The following UBE2D2 variants were observed in gnomAD, a reference collection of about 807,000 sequenced individuals.
UBE2D2 encodes the protein ubiquitin conjugating enzyme E2 D2.
UBE2D2 carries 2 observed loss-of-function variants against 24.2 expected under a neutral mutation model. That is an observed-to-expected ratio of 0.08 (90% confidence interval 0.03 to 0.26). The LOEUF is 0.26. UBE2D2 is among the 10% of genes least tolerant of loss of function. The pLI is 1.00. For synonymous variants in UBE2D2, 58 were observed against 56.5 expected (o/e 1.03, Z -0.12); for missense variants, 44 against 177.6 (o/e 0.25, Z 4.28).
chr5:139,622,502 C>G (rs1023917723), intron 5 of UBE2D2, among the ~76,000 whole-genome samples: 2 of 151,318 alleles, frequency 1.3e-5, no homozygotes, highest in African/African-American at 4.8e-5. Flanking sequence ...CTCCGCCTCC[C>G]AAAGTGCTGG....
At position 139,614,843 on chromosome 5, in the gene UBE2D2, T is replaced by G. The variant is rs1051948843; in HGVS notation, c.199-18T>G. 6.2e-7 allele frequency: 1 copy of G among 1,611,340 alleles called. No individual in the cohort carries two copies. ...TACTAATAAACTAGTTTACAGAAAG[T>G]TTCCTTTCTTTCTGTAGGTTGCATT... On this transcript the variant is annotated intron_variant, in intron 4 of 6. Transcript: ENST00000398733.
At chr5:139,571,986 C>T (rs1294254078) in intron 1 of UBE2D2, among the ~76,000 whole-genome samples, 1 of 151,724 alleles carries the variant, frequency 6.6e-6, no homozygotes, top group Non-Finnish European at 1.5e-5. Flanking sequence ...ATAAGAGCTA[C>T]TTCCTTCCTC....
chr5:139,593,983 A>G (rs1561514323), intron 1 of UBE2D2, among the ~76,000 whole-genome samples: 1 of 152,150 alleles, frequency 6.6e-6, no homozygotes, highest in Non-Finnish European at 1.5e-5. Context: ...TTAACCACCA[A>G]AGAGCCTCGA....
At chr5:139,626,621 T>G in intron 6 of UBE2D2, 135 bp from the exon 7 acceptor site, 1 of 692,246 alleles carries the variant, frequency 1.4e-6, no homozygotes, top group Admixed American at 2.8e-5. Context: ...TATCAGAAAT[T>G]TGGGATAGAA....
At chr5:139,566,572 G>A (rs1007050349) in intron 1 of UBE2D2, among the ~76,000 whole-genome samples, 4 of 152,112 alleles carry the variant, frequency 2.6e-5, no homozygotes, top group African/African-American at 9.7e-5. Flanking sequence ...CTAGGTGGGA[G>A]GCTGAGGTGG....
intron 6 of UBE2D2, among the ~76,000 whole-genome samples, chr5:139,625,286 T>G (rs1177834086): frequency 3.4e-5 from 5 of 147,934 alleles, no homozygotes; most frequent in Admixed American, 6.7e-5. Context: ...GTTTTTTTTT[T>G]TTTTTTTTTG....
chr5:139,602,857 A>G (rs1754111253), intron 2 of UBE2D2, among the ~76,000 whole-genome samples: 1 of 152,228 alleles, frequency 6.6e-6, no homozygotes, highest in South Asian at 2.1e-4. Context: ...TTATATTCTG[A>G]CTTACCTAGC....
chr5:139,546,873 T>C (rs201175822), intron 1 of UBE2D2, among the ~76,000 whole-genome samples: 54 of 146,722 alleles, frequency 3.7e-4, no homozygotes, highest in African/African-American at 9.9e-4. Context: ...TTCCTTCCTT[T>C]CTTTCCTTCT....
At position 139,623,662 on chromosome 5, in the gene UBE2D2, G is replaced by A. The variant is rs776023009; in HGVS notation, c.398+201G>A. 1.2e-4 allele frequency: 53 copies of A among 432,098 alleles called. 1 individual carries two copies. The highest frequency in any genetic ancestry group is 2.4e-4 in the East Asian group (7 of 29,452). 26.8% of individuals were successfully genotyped at this position (432,098 alleles called of 1,614,324 possible). ...CCAGTCTTATCCCTGATTGTTTCAC[G>A]TGACTCCTCTTGTCTACAAAAACTT... On this transcript the variant is annotated intron_variant, in intron 6 of 6. Transcript: ENST00000398733.
At chr5:139,609,803 G>A (rs1259020075) in intron 2 of UBE2D2, among the ~76,000 whole-genome samples, 1 of 133,338 alleles carries the variant, frequency 7.5e-6, no homozygotes, top group Non-Finnish European at 1.6e-5. Flanking sequence ...ATGGAGTCTC[G>A]CACTGTTGCC....
intron 5 of UBE2D2, among the ~76,000 whole-genome samples, chr5:139,615,361 T>C (rs1483632322): frequency 6.6e-6 from 1 of 152,132 alleles, no homozygotes; most frequent in Non-Finnish European, 1.5e-5. Flanking sequence ...GGCAGGTGCC[T>C]GTAGTCCCAG....
intron 1 of UBE2D2, among the ~76,000 whole-genome samples, chr5:139,590,514 A>G (rs1261819524): frequency 1.3e-5 from 2 of 151,970 alleles, no homozygotes; most frequent in Non-Finnish European, 2.9e-5. Context: ...AAATATCTCA[A>G]TATTTTGAGG....
intron 1 of UBE2D2, 100 bp from the exon 2 acceptor site, chr5:139,600,272 C>T (rs767976011): frequency 5.5e-6 from 7 of 1,278,096 alleles, no homozygotes; most frequent in Admixed American, 3.6e-5. Context: ...AAGAGAGTTT[C>T]ACCAGCAGGA....
intron 1 of UBE2D2, among the ~76,000 whole-genome samples, chr5:139,586,928 T>A (rs1292990160): frequency 2.0e-5 from 3 of 152,164 alleles, no homozygotes; most frequent in African/African-American, 7.2e-5. Flanking sequence ...AAAAATCTTT[T>A]TAGAGACAGA....
intron 1 of UBE2D2, among the ~76,000 whole-genome samples, chr5:139,586,829 T>G (rs986444545): frequency 6.6e-6 from 1 of 152,218 alleles, no homozygotes; most frequent in Non-Finnish European, 1.5e-5. Flanking sequence ...TATGTTAGGG[T>G]AATCAGCATC....
Position 139,561,713 on chromosome 5 carries a change from C to T in UBE2D2, c.-79C>T, listed in dbSNP as rs915555025. 21 of 1,195,384 alleles carry T rather than the reference C, an allele frequency of 1.8e-5. 1 individual carries two copies. Among genetic ancestry groups the T allele is most frequent in the Non-Finnish European group, 1.7e-5 (15 of 887,318 alleles). The allele number at this position is 1,195,384 out of a possible 1,614,324, so 74.0% of individuals were successfully genotyped here. ...TGCCGACCGAGATCGCCGAGGCGGC[C>T]TCAGGCTCCCTAGCCCCTTCCCCGT... On this transcript the variant is annotated 5_prime_UTR_variant, in exon 1 of 7. Transcript: ENST00000398733.
At chr5:139,577,404 CTTT>C (rs869189901) in intron 1 of UBE2D2, among the ~76,000 whole-genome samples, 324 of 69,122 alleles carry the variant, frequency 4.7e-3, no homozygotes, top group Middle Eastern at 0.025. Context: ...TAGCATCTCT[CTTT>C]TTTTTTTTTT....
chr5:139,539,780 T>C (rs1330544215), intron 1 of UBE2D2, among the ~76,000 whole-genome samples: 1 of 151,258 alleles, frequency 6.6e-6, no homozygotes, highest in African/African-American at 2.4e-5. Context: ...TTAGTAGATA[T>C]CGTGTTGGGT....
chr5:139,566,021 TTTTTTCTTTC>T (rs1753208192), intron 1 of UBE2D2, among the ~76,000 whole-genome samples: 1 of 151,304 alleles, frequency 6.6e-6, no homozygotes, highest in Non-Finnish European at 1.5e-5. Context: ...GATAGAGATT[TTTTTTCTTTC>T]TTTTTTTTTT....
Sources: gnomAD v4.1 joint callset for allele counts (sites outside exome capture counted in the v4.1 genomes callset) on GRCh38, gnomAD v4.1.1 for gene constraint, MANE v1.5 for transcripts, NCBI Gene and HGNC (gene_info 2026-07-23, HGNC 2026-07-21) for gene names.